Variants in FNIP1 observed in about 807,000 individuals in gnomAD.
FNIP1 encodes the protein folliculin interacting protein 1.
In FNIP1, 40 loss-of-function variants were observed where a neutral mutation model predicts 124.5. The ratio of observed to expected loss-of-function variants is 0.32; its 90% CI spans 0.25 to 0.42. The LOEUF (loss-of-function observed/expected upper bound fraction) is 0.42. Among genes scored for constraint, FNIP1 ranks in the 10% least tolerant of loss-of-function variants. FNIP1 has a pLI of 1.00. For synonymous variants in FNIP1, 472 were observed against 470.6 expected, an observed-to-expected ratio of 1.00 and a Z score of -0.04; for missense variants, 1,176 against 1,403.7, an observed-to-expected ratio of 0.84 and a Z score of 2.59.
At chr5:131,679,206 A>G (rs1238079436) in intron 11 of FNIP1, 31 bp from the exon 12 acceptor site, 3 of 1,338,932 alleles carry the variant, frequency 2.2e-6, no homozygotes, top group Non-Finnish European at 3.2e-6. Context: ...TATGAAATGT[A>G]TAGTTCCAAG....
At chr5:131,662,202 T>C (rs767632495) in intron 15 of FNIP1, among the ~76,000 whole-genome samples, 3 of 152,176 alleles carry the variant, frequency 2.0e-5, no homozygotes, top group Non-Finnish European at 4.4e-5. Context: ...TATAGGGCAT[T>C]TGTCATCTTT....
chr5:131,692,457 T>C (rs1768514201), intron 11 of FNIP1, among the ~76,000 whole-genome samples: 1 of 152,296 alleles, frequency 6.6e-6, no homozygotes, highest in South Asian at 2.1e-4. Flanking sequence ...GAAGACTCTA[T>C]TGTTAAAACG....
At chr5:131,735,432 C>G (rs1770256563) in intron 2 of FNIP1, among the ~76,000 whole-genome samples, 1 of 151,096 alleles carries the variant, frequency 6.6e-6, no homozygotes, top group Non-Finnish European at 1.5e-5. Context: ...ACATTGTGCA[C>G]ATGTACCCTA....
At chr5:131,646,157 C>G (rs1224164375) in intron 17 of FNIP1, among the ~76,000 whole-genome samples, 1 of 152,194 alleles carries the variant, frequency 6.6e-6, no homozygotes, top group African/African-American at 2.4e-5. Context: ...ACAATTCTCT[C>G]TGTATAACTC....
chr5:131,724,072 G>C (rs1401017336), intron 3 of FNIP1, among the ~76,000 whole-genome samples: 2 of 152,200 alleles, frequency 1.3e-5, no homozygotes, highest in Non-Finnish European at 2.9e-5. Context: ...GTATTCCATA[G>C]TGTATATGTG....
chr5:131,662,480 G>A (rs1375388576), intron 15 of FNIP1, among the ~76,000 whole-genome samples: 1 of 152,192 alleles, frequency 6.6e-6, no homozygotes, highest in Admixed American at 6.5e-5. Context: ...TCCTTTGCAA[G>A]CTTGAAAATG....
chr5:131,725,335 A>T (rs996748338), intron 3 of FNIP1, among the ~76,000 whole-genome samples: 14 of 152,262 alleles, frequency 9.2e-5, no homozygotes, highest in Non-Finnish European at 1.6e-4. Flanking sequence ...ATCCATAAGC[A>T]TGAAATGTTC....
At chr5:131,664,548 T>C (rs1056981012) in intron 15 of FNIP1, among the ~76,000 whole-genome samples, 7 of 149,730 alleles carry the variant, frequency 4.7e-5, no homozygotes, top group African/African-American at 1.2e-4. Context: ...AGATGGGAGA[T>C]TGCTTGAGCC....
chr5:131,693,344 A>ATATATATG (rs1580760506), intron 11 of FNIP1, among the ~76,000 whole-genome samples: 6 of 130,550 alleles, frequency 4.6e-5, no homozygotes, highest in Admixed American at 7.9e-5. Flanking sequence ...ATATATATAT[A>ATATATATG]TATATATATA....
intron 1 of FNIP1, among the ~76,000 whole-genome samples, chr5:131,786,231 T>C (rs1389253538): frequency 6.6e-6 from 1 of 152,228 alleles, no homozygotes; most frequent in Non-Finnish European, 1.5e-5. Flanking sequence ...TCATCAAATA[T>C]TTATTGAATG....
In FNIP1 at chr5:131,671,948, C is replaced by A. The variant is rs1160950330; in HGVS notation, c.2496G>T (p.Met832Ile). 1 of 1,614,068 alleles carries A rather than the reference C, an allele frequency of 6.2e-7. No homozygotes were observed. Among genetic ancestry groups the A allele is most frequent in the African/African-American group, 1.3e-5 (1 of 74,940 alleles). The change falls in exon 14 of 18, where the codon ATG (methionine) becomes ATT (isoleucine). Residue 832 changes from methionine to isoleucine, a missense_variant. By Grantham distance (10) the Met-to-Ile change is conservative. Coordinates refer to ENST00000510461, the MANE Select transcript of FNIP1 (RefSeq NM_133372.3). ...CATTAAAATATTCGTCGAATAAGCT[C>A]ATGCTTTCTGGGTCTGAATGATTCC... ...PCWNHSDPES[M>I]SLFDEYFNDD...
intron 2 of FNIP1, among the ~76,000 whole-genome samples, chr5:131,743,942 GC>G (rs1438781769): frequency 9.2e-5 from 14 of 152,116 alleles, no homozygotes; most frequent in African/African-American, 3.1e-4. Context: ...ATGTTTCCAA[GC>G]AAAGAGAAAA....
At chr5:131,649,645 T>G (rs1299606364) in intron 16 of FNIP1, among the ~76,000 whole-genome samples, 2 of 152,202 alleles carry the variant, frequency 1.3e-5, no homozygotes, top group Admixed American at 6.5e-5. Flanking sequence ...AAGTTTTTAA[T>G]TTGATGAAAT....
At chr5:131,677,507 T>C (rs1234345966) in intron 13 of FNIP1, 196 bp downstream of exon 13, 2 of 488,714 alleles carry the variant, frequency 4.1e-6, no homozygotes, top group African/African-American at 3.8e-5. Flanking sequence ...CCTGCAGTTC[T>C]TCATCTATAA....
At chr5:131,763,837 T>C (rs1489974917) in intron 1 of FNIP1, among the ~76,000 whole-genome samples, 2 of 152,202 alleles carry the variant, frequency 1.3e-5, no homozygotes, top group East Asian at 3.9e-4. Flanking sequence ...TGCGAGCATA[T>C]GGTCCTGTTA....
chr5:131,689,152 C>CAAAA (rs36082666), intron 11 of FNIP1, among the ~76,000 whole-genome samples: 1 of 140,060 alleles, frequency 7.1e-6, no homozygotes, highest in Non-Finnish European at 1.5e-5. Context: ...AGAAACTATG[C>CAAAA]AAAAAAAAAA....
intron 15 of FNIP1, among the ~76,000 whole-genome samples, chr5:131,664,837 GTATA>G (rs1767547471): frequency 6.7e-6 from 1 of 150,248 alleles, no homozygotes. Context: ...AAAAATATGG[GTATA>G]TATAAATACA....
intron 2 of FNIP1, among the ~76,000 whole-genome samples, chr5:131,738,147 C>A (rs1458366676): frequency 1.3e-5 from 2 of 151,518 alleles, no homozygotes; most frequent in Non-Finnish European, 1.5e-5. Context: ...AATCCTCTCA[C>A]CTCACCATGC....
chr5:131,722,883 A>G (rs575098947), intron 3 of FNIP1, among the ~76,000 whole-genome samples: 171 of 152,268 alleles, frequency 1.1e-3, no homozygotes, highest in African/African-American at 4.0e-3. Context: ...ACAGGGATTC[A>G]CCATTTTGGC....
Sources: allele counts gnomAD v4.1 joint callset (sites outside exome capture counted in the v4.1 genomes callset), GRCh38; gene constraint gnomAD v4.1.1; transcripts MANE v1.5; gene names NCBI Gene and HGNC (gene_info 2026-07-23, HGNC 2026-07-21).